Variants in CSMD2 observed in about 807,000 individuals in gnomAD.
CSMD2 encodes CUB and sushi domain-containing protein 2.
CSMD2 carries 130 observed loss-of-function variants against 398.5 expected under a neutral mutation model. That is an observed-to-expected ratio of 0.33 (90% CI 0.28 to 0.38). The LOEUF is 0.38. Ranked by LOEUF, CSMD2 falls within the 10% of genes least tolerant of loss-of-function variation. The probability of loss-of-function intolerance (pLI) is 1.00; values close to 1 mark genes in which losing one functional copy is unlikely to be tolerated. For synonymous variants in CSMD2, 1,828 were observed against 1,908.5 expected, an observed-to-expected ratio of 0.96 and a Z score of 1.10; for missense variants, 3,829 against 4,764.9, an observed-to-expected ratio of 0.80 and a Z score of 5.78.
intron 4 of CSMD2, among the ~76,000 whole-genome samples, chr1:33,928,202 G>A (rs549222765): frequency 4.3e-4 from 66 of 152,330 alleles, no homozygotes; most frequent in African/African-American, 1.4e-3. Context: ...ACGTGGACTT[G>A]CGCTGAATCC....
At chr1:33,716,136 A>C in intron 20 of CSMD2, 150 bp downstream of exon 20, 1 of 649,784 alleles carries the variant, frequency 1.5e-6, no homozygotes, top group South Asian at 1.9e-5. Context: ...GTCTAACCCA[A>C]GCATCTTTTG....
intron 5 of CSMD2, among the ~76,000 whole-genome samples, chr1:33,878,837 G>A (rs1219619854): frequency 6.6e-6 from 1 of 152,234 alleles, no homozygotes; most frequent in Non-Finnish European, 1.5e-5. Context: ...GACAGCCCTG[G>A]GGAGGGGGAC....
At chr1:33,582,113 T>C (rs540455819) in intron 47 of CSMD2, among the ~76,000 whole-genome samples, 3 of 152,144 alleles carry the variant, frequency 2.0e-5, no homozygotes, top group Non-Finnish European at 4.4e-5. Context: ...CTAATGGCTA[T>C]CCTCTGTGGG....
chr1:33,627,318 C>A (rs1054478891), intron 32 of CSMD2, among the ~76,000 whole-genome samples: 2 of 152,126 alleles, frequency 1.3e-5, no homozygotes, highest in Non-Finnish European at 1.5e-5. Flanking sequence ...TGGTGCAGTA[C>A]AGATGGGCCA....
chr1:33,550,944 G>A (rs1292088442), intron 55 of CSMD2, among the ~76,000 whole-genome samples: 1 of 152,150 alleles, frequency 6.6e-6, no homozygotes, highest in Non-Finnish European at 1.5e-5. Context: ...TACTGGGGCT[G>A]GTCTTCCCAT....
At chr1:33,953,807 T>C (rs1279945211) in intron 3 of CSMD2, among the ~76,000 whole-genome samples, 1 of 152,164 alleles carries the variant, frequency 6.6e-6, no homozygotes, top group Non-Finnish European at 1.5e-5. Flanking sequence ...GAGATACGGA[T>C]TGATTTTATT....
rs1352090833 is a variant in CSMD2, at chr1:33,571,635, C to A, written c.7854G>T (p.Leu2618=). The change falls in exon 51 of 71, where the codon CTG becomes CTT. Residue 2618 remains leucine (L), a synonymous_variant. Coordinates refer to ENST00000373381, the MANE Select transcript of CSMD2 (RefSeq NM_001281956.2). ...FETQYQFQAQ[L]MLICDPGYYY... ...AGTAGCCAGGGTCACAGATGAGCAT[C>A]AGCTGGGCCTGGAACTGATACTGTG... The A allele has an allele frequency of 6.3e-7, 1 of 1,591,718 alleles. No homozygotes were observed. The highest frequency in any genetic ancestry group is 1.3e-5 in the African/African-American group (1 of 74,814).
chr1:33,764,800 T>C (rs1650277405), intron 13 of CSMD2, among the ~76,000 whole-genome samples: 1 of 152,234 alleles, frequency 6.6e-6, no homozygotes, highest in Non-Finnish European at 1.5e-5. Context: ...ATTGTGATCA[T>C]ATTTTCTGGG....
At chr1:34,066,694 G>T (rs1306313792) in intron 2 of CSMD2, among the ~76,000 whole-genome samples, 1 of 152,130 alleles carries the variant, frequency 6.6e-6, no homozygotes, top group Non-Finnish European at 1.5e-5. Context: ...GGCGGGCTTG[G>T]ACGCAGCAGG....
intron 28 of CSMD2, among the ~76,000 whole-genome samples, chr1:33,648,361 C>CAAAAAAAAAAA (rs61207590): frequency 1.4e-5 from 1 of 71,834 alleles, no homozygotes; most frequent in Non-Finnish European, 3.2e-5. Flanking sequence ...GACTCTGTCT[C>CAAAAAAAAAAA]AAAAAAAAAA....
intron 2 of CSMD2, among the ~76,000 whole-genome samples, chr1:34,035,220 T>C (rs1245781843): frequency 1.3e-5 from 2 of 152,080 alleles, no homozygotes; most frequent in Non-Finnish European, 2.9e-5. Flanking sequence ...AATTAGTAAT[T>C]TTAAAACTCC....
chr1:33,948,261 C>A (rs1276059289), intron 3 of CSMD2, among the ~76,000 whole-genome samples: 2 of 152,208 alleles, frequency 1.3e-5, no homozygotes, highest in Non-Finnish European at 2.9e-5. Flanking sequence ...GCCATCTGTT[C>A]AGGTCCTCTG....
At chr1:33,541,068 G>T in intron 59 of CSMD2, 62 bp downstream of exon 59, 1 of 1,508,476 alleles carries the variant, frequency 6.6e-7, no homozygotes, top group Non-Finnish European at 9.1e-7. Flanking sequence ...GATGCTCAGG[G>T]CCTACATCTC....
At chr1:34,114,571 C>T (rs1571166609) in intron 1 of CSMD2, among the ~76,000 whole-genome samples, 2 of 152,030 alleles carry the variant, frequency 1.3e-5, no homozygotes, top group Admixed American at 6.6e-5. Context: ...CATAGTGGTA[C>T]ACCTATAGTC....
chr1:33,935,361 G>A (rs892452977), intron 4 of CSMD2, among the ~76,000 whole-genome samples: 1 of 152,180 alleles, frequency 6.6e-6, no homozygotes, highest in Non-Finnish European at 1.5e-5. Flanking sequence ...TGAATTTATA[G>A]GAAAGAGAAA....
chr1:34,111,402 T>C (rs908029655), intron 1 of CSMD2, among the ~76,000 whole-genome samples: 4 of 152,168 alleles, frequency 2.6e-5, no homozygotes, highest in Non-Finnish European at 4.4e-5. Flanking sequence ...ACTGAGTTCC[T>C]TGGGGACACA....
At chr1:34,098,585 A>T (rs568635059) in intron 1 of CSMD2, among the ~76,000 whole-genome samples, 60 of 152,188 alleles carry the variant, frequency 3.9e-4, no homozygotes, top group African/African-American at 1.3e-3. Context: ...TCCAGGAGTA[A>T]ACAGGTAGGA....
chr1:33,991,946 T>C (rs9425976), intron 3 of CSMD2, among the ~76,000 whole-genome samples: 2 of 146,918 alleles, frequency 1.4e-5, no homozygotes, highest in African/African-American at 5.0e-5. Context: ...GAAAAAAAAA[T>C]CACAAACACA....
At chr1:34,076,022 T>C (rs1162940826) in intron 2 of CSMD2, among the ~76,000 whole-genome samples, 1 of 152,250 alleles carries the variant, frequency 6.6e-6, no homozygotes, top group African/African-American at 2.4e-5. Flanking sequence ...AGACGCTGCC[T>C]TCTGGCACCC....
Sources: allele counts gnomAD v4.1 joint callset (sites outside exome capture counted in the v4.1 genomes callset), GRCh38; gene constraint gnomAD v4.1.1; transcripts MANE v1.5; gene names NCBI Gene and HGNC (gene_info 2026-07-23, HGNC 2026-07-21).